Variants in ASIC2 observed in about 807,000 individuals in gnomAD.
ASIC2 encodes the protein acid sensing ion channel subunit 2, also known as acid-sensing ion channel 2.
In ASIC2, 25 loss-of-function variants were observed where a neutral mutation model predicts 57.3. The observed-to-expected ratio is 0.44, with a 90% CI of 0.32 to 0.61. ASIC2 has a LOEUF of 0.61. ASIC2 is among the 20% of genes least tolerant of loss of function. ASIC2 has a pLI of 0.06. For synonymous variants in ASIC2, 319 were observed against 307.5 expected, an observed-to-expected ratio of 1.04 and a Z score of -0.39; for missense variants, 641 against 738.1, an observed-to-expected ratio of 0.87 and a Z score of 1.52.
At chr17:33,898,555 G>A (rs1377342911) in intron 1 of ASIC2, among the ~76,000 whole-genome samples, 1 of 152,040 alleles carries the variant, frequency 6.6e-6, no homozygotes, top group Non-Finnish European at 1.5e-5. Flanking sequence ...CTCTTACCTA[G>A]CTTCCCGTAG....
intron 1 of ASIC2, among the ~76,000 whole-genome samples, chr17:33,723,860 T>G (rs893685080): frequency 3.9e-5 from 6 of 152,220 alleles, no homozygotes; most frequent in Non-Finnish European, 2.9e-5. Flanking sequence ...TTTTAATGTG[T>G]GTAAATTGTA....
chr17:33,681,583 A>C (rs545587002), intron 1 of ASIC2, among the ~76,000 whole-genome samples: 10 of 152,130 alleles, frequency 6.6e-5, no homozygotes, highest in African/African-American at 2.4e-4. Flanking sequence ...ATGATGCCCA[A>C]CTCCTTGCAG....
chr17:33,387,207 T>C (rs1430366418), intron 1 of ASIC2, among the ~76,000 whole-genome samples: 7 of 152,166 alleles, frequency 4.6e-5, no homozygotes, highest in Non-Finnish European at 5.9e-5. Context: ...CATTCTTTCA[T>C]TTACAAATCA....
chr17:33,377,268 C>T (rs777690530), intron 1 of ASIC2, among the ~76,000 whole-genome samples: 3 of 152,164 alleles, frequency 2.0e-5, no homozygotes, highest in African/African-American at 4.8e-5. Flanking sequence ...CCAGACTAGT[C>T]TCAAACTCCT....
At chr17:33,522,678 C>T (rs1001339432) in intron 1 of ASIC2, among the ~76,000 whole-genome samples, 1 of 152,236 alleles carries the variant, frequency 6.6e-6, no homozygotes, top group African/African-American at 2.4e-5. Flanking sequence ...GTTTTCTCAT[C>T]TGTGGAATAA....
chr17:33,617,266 G>A (rs1231064645), intron 1 of ASIC2, among the ~76,000 whole-genome samples: 2 of 152,090 alleles, frequency 1.3e-5, no homozygotes, highest in African/African-American at 4.8e-5. Flanking sequence ...CAACCTAAAT[G>A]CCCATCAGTG....
chr17:33,790,102 C>T (rs773646454), intron 1 of ASIC2, among the ~76,000 whole-genome samples: 19 of 152,106 alleles, frequency 1.2e-4, no homozygotes, highest in Admixed American at 2.6e-4. Context: ...TTTTCAGCAA[C>T]GTATAATACT....
chr17:33,658,151 T>C (rs1907135085), intron 1 of ASIC2, among the ~76,000 whole-genome samples: 1 of 152,146 alleles, frequency 6.6e-6, no homozygotes, highest in Non-Finnish European at 1.5e-5. Context: ...TCAGTCCAAT[T>C]TGCTACTCCT....
chr17:33,842,324 G>C (rs62057860), intron 1 of ASIC2, among the ~76,000 whole-genome samples: 11,172 of 152,202 alleles, frequency 0.073, 527 homozygotes, highest in Admixed American at 0.11. Flanking sequence ...TCATAGACAA[G>C]ACATGGGTCT....
upstream of ASIC2, among the ~76,000 whole-genome samples, chr17:33,294,079 C>T (rs553086195): frequency 3.4e-4 from 52 of 152,336 alleles, no homozygotes; most frequent in African/African-American, 1.2e-3. Context: ...AGCCCTGGCC[C>T]AGTCTGCCAA....
At chr17:33,416,984 G>T (rs1245006906) in intron 1 of ASIC2, among the ~76,000 whole-genome samples, 1 of 152,002 alleles carries the variant, frequency 6.6e-6, no homozygotes, top group African/African-American at 2.4e-5. Context: ...AGGCTTAATG[G>T]CTTAACCCAG....
intron 1 of ASIC2, among the ~76,000 whole-genome samples, chr17:33,836,399 C>T (rs1306092923): frequency 6.6e-6 from 1 of 152,016 alleles, no homozygotes; most frequent in Non-Finnish European, 1.5e-5. Flanking sequence ...TCAGGCTGGT[C>T]TTGAAATCTT....
intron 1 of ASIC2, among the ~76,000 whole-genome samples, chr17:33,819,262 G>C (rs1335710991): frequency 6.6e-6 from 1 of 152,188 alleles, no homozygotes; most frequent in African/African-American, 2.4e-5. Flanking sequence ...AAAAGCACTA[G>C]AAATTAACCT....
chr17:33,436,934 C>T (rs907204445), intron 1 of ASIC2, among the ~76,000 whole-genome samples: 30 of 132,302 alleles, frequency 2.3e-4, no homozygotes, highest in South Asian at 7.9e-4. Context: ...GGCGCGATCT[C>T]GGCTCACTGC....
chr17:33,426,639 C>T (rs1183515906), intron 1 of ASIC2, among the ~76,000 whole-genome samples: 3 of 152,160 alleles, frequency 2.0e-5, no homozygotes, highest in Non-Finnish European at 2.9e-5. Context: ...CAGCCTTGAG[C>T]ACATCTCTAA....
intron 1 of ASIC2, among the ~76,000 whole-genome samples, chr17:33,392,013 C>T (rs562372809): frequency 1.2e-4 from 18 of 152,140 alleles, no homozygotes; most frequent in Non-Finnish European, 2.2e-4. Flanking sequence ...AAAACCGCTC[C>T]TCTGGTCTGT....
chr17:33,873,498 G>T (rs893617166), intron 1 of ASIC2, among the ~76,000 whole-genome samples: 11 of 152,140 alleles, frequency 7.2e-5, no homozygotes, highest in African/African-American at 2.4e-4. Context: ...TAGAGAAAAA[G>T]TCAGAAGGAT....
intron 1 of ASIC2, among the ~76,000 whole-genome samples, chr17:33,903,851 T>G (rs965771911): frequency 6.6e-6 from 1 of 152,044 alleles, no homozygotes; most frequent in African/African-American, 2.4e-5. Flanking sequence ...TAGGACTAAA[T>G]CAGCAGATGG....
rs1053784377 is a variant in ASIC2 at position 33,293,258 on chromosome 17, C to G, written c.-1143G>C. On this transcript the variant is annotated 5_prime_UTR_variant, in exon 1 of 10. Coordinates refer to ENST00000225823, the MANE Select transcript of ASIC2 (RefSeq NM_183377.2). ...GCGCGACGCTGGCGCGGCTGGGCTCCGAGCACCTGCTCCTCAGCTCGCTGG... is the reference window on the plus strand; with the variant it reads ...GCGCGACGCTGGCGCGGCTGGGCTCGGAGCACCTGCTCCTCAGCTCGCTGG... Among the ~76,000 whole-genome samples, 1 of 151,986 alleles carries G rather than the reference C, an allele frequency of 6.6e-6. No homozygotes were observed. Among genetic ancestry groups the G allele is most frequent in the African/African-American group, 2.4e-5 (1 of 41,418 alleles).
Sources: gnomAD v4.1 joint callset for allele counts (sites outside exome capture counted in the v4.1 genomes callset) on GRCh38, gnomAD v4.1.1 for gene constraint, MANE v1.5 for transcripts, NCBI Gene and HGNC (gene_info 2026-07-23, HGNC 2026-07-21) for gene names.